The following ODF4 variants were observed in gnomAD, a reference collection of about 807,000 sequenced individuals.
ODF4 encodes outer dense fiber protein 4.
ODF4 carries 11 observed loss-of-function variants against 17.0 expected under a neutral mutation model. That is an observed-to-expected ratio of 0.65 (90% CI 0.41 to 1.07). The LOEUF is 1.07. Among genes scored for constraint, ODF4 ranks in the 50% least tolerant of loss-of-function variants. The pLI is 0.00. For synonymous variants in ODF4, 127 were observed against 121.8 expected, an observed-to-expected ratio of 1.04 and a Z score of -0.28; for missense variants, 281 against 310.2, an observed-to-expected ratio of 0.91 and a Z score of 0.71.
chr17:8,345,078 T>G lies in ODF4; in HGVS notation c.455-265T>G. Reference sequence around the variant, plus strand: ...GCTCTGGAAAGGTCCTTTGTTTTCCTAACCCCCATCTTCCTGGGCACTTCT... The same window carrying G: ...GCTCTGGAAAGGTCCTTTGTTTTCCGAACCCCCATCTTCCTGGGCACTTCT... On this transcript the variant is annotated intron_variant, in intron 1 of 2. Coordinates refer to ENST00000328248, the MANE Select transcript of ODF4 (RefSeq NM_153007.5). This position sits in a 1 kb window ranked among gnomAD's most constrained non-coding sequence, Gnocchi z 4.1. 2 of 1,010,084 alleles carry G rather than the reference T, an allele frequency of 2.0e-6. No homozygotes were observed. Among genetic ancestry groups the G allele is most frequent in the Non-Finnish European group, 2.6e-6 (2 of 778,372 alleles). 62.6% of individuals were successfully genotyped at this position (1,010,084 alleles called of 1,614,324 possible).
Position 8,340,518 on chromosome 17 carries a change from AC to A in ODF4, c.454+19del. ...GAGAATGGGAAAGGTGAGCCCCTCC[AC>A]CCCCCATCCCAGCCCAGGCCGCCAG... On this transcript the variant is annotated intron_variant, in intron 1 of 2. Transcript: ENST00000328248. 2.6e-6 allele frequency: 4 copies of A among 1,533,918 alleles called. No individual in the cohort carries two copies. The highest frequency in any genetic ancestry group is 1.8e-6 in the Non-Finnish European group (2 of 1,122,208).
In ODF4 at chr17:8,340,048, C is replaced by T. The variant is rs1380837835; in HGVS notation, c.-4C>T. 22 of 1,508,094 alleles carry T rather than the reference C, an allele frequency of 1.5e-5. No individual in the cohort carries two copies. Among genetic ancestry groups the T allele is most frequent in the Non-Finnish European group, 2.0e-5 (22 of 1,127,604 alleles). 93.4% of individuals were successfully genotyped at this position (1,508,094 alleles called of 1,614,324 possible). A position where few individuals can be genotyped will look rare whatever the true frequency, so the allele number is the denominator to read the frequency against. ...GGGAGACAGAGGGTGAAGTGGTGCTCAAGATGGATGCAGAGTACTCTGGGA... is the reference window on the plus strand; with the variant it reads ...GGGAGACAGAGGGTGAAGTGGTGCTTAAGATGGATGCAGAGTACTCTGGGA... On this transcript the variant is annotated 5_prime_UTR_variant, in exon 1 of 3. Transcript: ENST00000328248.
At chr17:8,344,565 C>T (rs1331635946) in intron 1 of ODF4, among the ~76,000 whole-genome samples, 1 of 126,380 alleles carries the variant, frequency 7.9e-6, no homozygotes, top group East Asian at 2.3e-4. Flanking sequence ...AGTGGCTCAC[C>T]ACAACCTCCG....
In ODF4 at chr17:8,345,223, C is replaced by A. The variant is rs1906185695; in HGVS notation, c.455-120C>A. ...GAAATGCAGGGGTTGACTCCTGGAA[C>A]CTCAGGGCCAGTCACTCTGTGTGTG... On this transcript the variant is annotated intron_variant, in intron 1 of 2. Transcript: ENST00000328248. This position sits in a 1 kb window ranked among gnomAD's most constrained non-coding sequence, Gnocchi z 4.1. The A allele has an allele frequency of 1.0e-6, 1 of 963,026 alleles. No individual in the cohort carries two copies. The highest frequency in any genetic ancestry group is 1.6e-6 in the Non-Finnish European group (1 of 638,910). 59.7% of individuals were successfully genotyped at this position (963,026 alleles called of 1,614,324 possible).
chr17:8,345,070 T>C lies in ODF4; in HGVS notation c.455-273T>C. ...GCCTCCTAGCTCTGGAAAGGTCCTT[T>C]GTTTTCCTAACCCCCATCTTCCTGG... On this transcript the variant is annotated intron_variant, in intron 1 of 2. Transcript: ENST00000328248. This position sits in a 1 kb window ranked among gnomAD's most constrained non-coding sequence, Gnocchi z 4.1. 1 of 1,045,100 alleles carries C rather than the reference T, an allele frequency of 9.6e-7. No individual in the cohort carries two copies. Among genetic ancestry groups the C allele is most frequent in the East Asian group, 4.4e-5 (1 of 22,806 alleles). 64.7% of individuals were successfully genotyped at this position (1,045,100 alleles called of 1,614,324 possible). A position where few individuals can be genotyped will look rare whatever the true frequency, so the allele number is the denominator to read the frequency against.
chr17:8,345,649 T>C lies in ODF4; in HGVS notation c.590-19T>C. ...TCCCAGTCACAACTTTCCTCTCCCC[T>C]GTCCCTGTCCTTTCCCAGCGATCCT... On this transcript the variant is annotated intron_variant, in intron 2 of 2. Transcript: ENST00000328248. The surrounding 1 kb of genome is among the most constrained non-coding windows in gnomAD (Gnocchi z 4.1). 1 of 1,610,988 alleles carries C rather than the reference T, an allele frequency of 6.2e-7. No homozygotes were observed. The highest frequency in any genetic ancestry group is 8.5e-7 in the Non-Finnish European group (1 of 1,177,396).
At position 8,344,396 on chromosome 17, in the gene ODF4, C is replaced by T. The variant is rs981467325; in HGVS notation, c.455-947C>T. Among the ~76,000 whole-genome samples the T allele has an allele frequency of 1.6e-5, 2 of 128,694 alleles. 1 individual carries two copies. The highest frequency in any genetic ancestry group is 3.3e-5 in the Non-Finnish European group (2 of 59,908). The allele number at this position is 128,694 out of a possible 152,430, so 84.4% of individuals were successfully genotyped here. A position where few individuals can be genotyped will look rare whatever the true frequency, so the allele number is the denominator to read the frequency against. On this transcript the variant is annotated intron_variant, in intron 1 of 2. Coordinates refer to ENST00000328248, the MANE Select transcript of ODF4 (RefSeq NM_153007.5). ...TGAGGTTATCAAACAATATCCATAT[C>T]AAGGATCTCGGATTGTTTAAGAAGT... is the stretch of plus-strand genomic sequence containing the variant.
rs750269069 is a variant in ODF4, at chr17:8,340,177, T to A, written c.126T>A (p.Asp42Glu). Residue 42 changes from aspartate (D) to glutamate (E), a missense_variant, in exon 1 of 3, where the codon GAT (aspartate) becomes GAA (glutamate). Physicochemically the swap from Asp to Glu is conservative, Grantham distance 45. Transcript: ENST00000328248. ...GGGGCACAGGTGAGCTGGGACAAGATGGGAGACTGCTGTCCTCCACCCTCT... is the reference window on the plus strand; with the variant it reads ...GGGGCACAGGTGAGCTGGGACAAGAAGGGAGACTGCTGTCCTCCACCCTCT... ...AGWGTGELGQ[D>E]GRLLSSTLSL... 3.1e-6 allele frequency: 5 copies of A among 1,603,316 alleles called. No homozygotes were observed. Among genetic ancestry groups the A allele is most frequent in the Non-Finnish European group, 8.5e-7 (1 of 1,173,776 alleles).
Position 8,346,018 on chromosome 17 carries a change from G to A in ODF4, c.*166G>A. On this transcript the variant is annotated 3_prime_UTR_variant, in exon 3 of 3. Transcript: ENST00000328248. ...TGCCTTGATTGAGCTTGAGTGATGT[G>A]GAATAAATTGTCCGTCTCTTCTTTC... is the stretch of plus-strand genomic sequence containing the variant. 6 of 557,826 alleles carry A rather than the reference G, an allele frequency of 1.1e-5. No homozygotes were observed. The South Asian group carries it at 1.6e-4, about 15-fold the overall frequency. 34.6% of individuals were successfully genotyped at this position (557,826 alleles called of 1,614,324 possible).
chr17:8,343,252 T>C (rs58800162), intron 1 of ODF4, among the ~76,000 whole-genome samples: 52,417 of 150,182 alleles, frequency 0.35, 9,403 homozygotes, highest in African/African-American at 0.45. Flanking sequence ...CCACCTCAGT[T>C]TCCCCAGTAG....
At position 8,345,488 on chromosome 17, in the gene ODF4, A is replaced by G; in HGVS notation, c.589+11A>G. 6.2e-7 allele frequency: 1 copy of G among 1,613,590 alleles called. No individual in the cohort carries two copies. Among genetic ancestry groups the G allele is most frequent in the Non-Finnish European group, 8.5e-7 (1 of 1,179,632 alleles). ...TATACTTCACCTGCGGTGAGTGGCC[A>G]GAGGGCCCTGGGGGAAGGAAGCGAC... On this transcript the variant is annotated intron_variant, in intron 2 of 2. Transcript: ENST00000328248. The surrounding 1 kb of genome is among the most constrained non-coding windows in gnomAD (Gnocchi z 4.1).
chr17:8,341,422 T>C (rs1028649645), intron 1 of ODF4, among the ~76,000 whole-genome samples: 4 of 152,180 alleles, frequency 2.6e-5, no homozygotes, highest in Non-Finnish European at 4.4e-5. Flanking sequence ...TTTTTCCACA[T>C]CTGGCTTCTG....
At position 8,344,848 on chromosome 17, in the gene ODF4, C is replaced by T. The variant is rs897519938; in HGVS notation, c.455-495C>T. On this transcript the variant is annotated intron_variant, in intron 1 of 2. Transcript: ENST00000328248. ...CATCTTTTGTAAATCCTTAGTTGAT[C>T]TTGTTTGTTTGTCATTTTCCCCAGG... is the stretch of plus-strand genomic sequence containing the variant. 1.0e-4 allele frequency: 103 copies of T among 984,928 alleles called. No individual in the cohort carries two copies. In the Middle Eastern group the frequency reaches 3.2e-3, roughly 30 times the overall value. The allele number at this position is 984,928 out of a possible 1,614,324, so 61.0% of individuals were successfully genotyped here.
chr17:8,341,304 T>G (rs1000946475), intron 1 of ODF4, among the ~76,000 whole-genome samples: 1 of 152,174 alleles, frequency 6.6e-6, no homozygotes, highest in African/African-American at 2.4e-5. Flanking sequence ...CTTAGTCTTG[T>G]GTACCCAGAG....
intron 1 of ODF4, among the ~76,000 whole-genome samples, chr17:8,343,742 C>T (rs1283406757): frequency 8.0e-6 from 1 of 125,532 alleles, no homozygotes; most frequent in Non-Finnish European, 1.7e-5. Flanking sequence ...TCTCGATCTC[C>T]TGACCTCGTG....
Position 8,345,518 on chromosome 17 carries a change from G to C in ODF4, c.589+41G>C. 1 of 1,607,066 alleles carries C rather than the reference G, an allele frequency of 6.2e-7. No individual in the cohort carries two copies. Among genetic ancestry groups the C allele is most frequent in the Non-Finnish European group, 8.5e-7 (1 of 1,175,236 alleles). ...GCCCTGGGGGAAGGAAGCGACATGG[G>C]TAGGGTAGGGCAGGGAAAGTGTGGA... On this transcript the variant is annotated intron_variant, in intron 2 of 2. Transcript: ENST00000328248. This position sits in a 1 kb window ranked among gnomAD's most constrained non-coding sequence, Gnocchi z 4.1.
intron 1 of ODF4, among the ~76,000 whole-genome samples, chr17:8,342,753 G>A (rs1400174871): frequency 1.3e-5 from 2 of 152,024 alleles, no homozygotes; most frequent in African/African-American, 4.8e-5. Flanking sequence ...TTGAGACAGT[G>A]TCTCACTCCG....
At chr17:8,340,926 C>T (rs1294087138) in intron 1 of ODF4, among the ~76,000 whole-genome samples, 1 of 150,406 alleles carries the variant, frequency 6.6e-6, no homozygotes, top group East Asian at 1.9e-4. Context: ...CTGCGTCTCA[C>T]ACCTGTAATC....
At chr17:8,342,421 T>C (rs555043674) in intron 1 of ODF4, among the ~76,000 whole-genome samples, 1 of 152,266 alleles carries the variant, frequency 6.6e-6, no homozygotes, top group South Asian at 2.1e-4. Flanking sequence ...TTTTGTATTT[T>C]TAGTAGAGAC....
Sources: gnomAD v4.1 joint callset for allele counts (sites outside exome capture counted in the v4.1 genomes callset) on GRCh38, gnomAD v4.1.1 for gene constraint, Gnocchi (gnomAD v3.1) non-coding constraint, MANE v1.5 for transcripts, NCBI Gene and HGNC (gene_info 2026-07-23, HGNC 2026-07-21) for gene names.